Variants in NAALADL2 observed in about 807,000 individuals in gnomAD.
The protein encoded by NAALADL2 is N-acetylated alpha-linked acidic dipeptidase like 2, also known as inactive N-acetylated-alpha-linked acidic dipeptidase-like protein 2.
In NAALADL2, 76 loss-of-function variants were observed where a neutral mutation model predicts 87.2. The observed-to-expected ratio is 0.87, with a 90% CI of 0.72 to 1.05. The LOEUF is 1.05. Ranked by LOEUF, NAALADL2 falls within the 50% of genes least tolerant of loss-of-function variation. The pLI is 0.00. For synonymous variants in NAALADL2, 354 were observed against 331.0 expected (o/e 1.07, Z -0.75); for missense variants, 1,089 against 945.8 (o/e 1.15, Z -1.99).
intron 5 of NAALADL2, among the ~76,000 whole-genome samples, chr3:175,329,425 C>T (rs903295764): frequency 2.0e-5 from 3 of 152,122 alleles, no homozygotes; most frequent in African/African-American, 7.2e-5. Flanking sequence ...TAAAGAATAT[C>T]ACTGTAATTT....
chr3:174,916,968 T>G (rs1734501479), intron 1 of NAALADL2, among the ~76,000 whole-genome samples: 1 of 152,160 alleles, frequency 6.6e-6, no homozygotes, highest in Non-Finnish European at 1.5e-5. Flanking sequence ...TTTCATACAT[T>G]ATGTTTTTAG....
intron 12 of NAALADL2, among the ~76,000 whole-genome samples, chr3:175,746,159 T>A (rs965996378): frequency 2.0e-5 from 3 of 151,074 alleles, no homozygotes; most frequent in African/African-American, 7.4e-5. Flanking sequence ...TTGGTCTGAC[T>A]TTTTTCTTTT....
intron 10 of NAALADL2, among the ~76,000 whole-genome samples, chr3:175,625,738 A>G (rs1030350654): frequency 2.6e-5 from 4 of 151,958 alleles, no homozygotes; most frequent in African/African-American, 9.7e-5. Flanking sequence ...TATTCATGGT[A>G]TGATCTTGGG....
At chr3:175,164,486 G>T (rs551597476) in intron 2 of NAALADL2, among the ~76,000 whole-genome samples, 2 of 152,078 alleles carry the variant, frequency 1.3e-5, no homozygotes, top group East Asian at 3.9e-4. Context: ...CTTTTAAAAG[G>T]TAAAAGTATC....
intron 1 of NAALADL2, among the ~76,000 whole-genome samples, chr3:174,457,377 C>T (rs1334780514): frequency 6.6e-6 from 1 of 152,146 alleles, no homozygotes; most frequent in East Asian, 1.9e-4. Context: ...TAATATACAT[C>T]ATTCTATAAT....
intron 9 of NAALADL2, among the ~76,000 whole-genome samples, chr3:175,488,452 G>A (rs1358252214): frequency 6.6e-6 from 1 of 152,202 alleles, no homozygotes; most frequent in Non-Finnish European, 1.5e-5. Flanking sequence ...TAGGTGCTGG[G>A]ATGTGTGTGT....
chr3:175,691,192 G>C (rs1046420299), intron 11 of NAALADL2, among the ~76,000 whole-genome samples: 3 of 150,496 alleles, frequency 2.0e-5, no homozygotes, highest in Admixed American at 6.6e-5. Context: ...ATATATATGT[G>C]TATATGTATA....
chr3:175,085,542 T>A (rs2108273575), intron 1 of NAALADL2, among the ~76,000 whole-genome samples: 1 of 152,334 alleles, frequency 6.6e-6, no homozygotes, highest in Middle Eastern at 3.4e-3. Context: ...TGAGTAACTT[T>A]ATTTTTAAAC....
At chr3:175,683,522 A>T (rs1303027798) in intron 11 of NAALADL2, among the ~76,000 whole-genome samples, 1 of 151,944 alleles carries the variant, frequency 6.6e-6, no homozygotes, top group African/African-American at 2.4e-5. Context: ...GGTAAATGGT[A>T]ATAGGTATTA....
At chr3:175,485,139 A>G (rs1272912059) in intron 9 of NAALADL2, among the ~76,000 whole-genome samples, 4 of 152,164 alleles carry the variant, frequency 2.6e-5, no homozygotes, top group East Asian at 1.9e-4. Flanking sequence ...TCATCTTTCT[A>G]TAAAATAGGA....
rs141648010 is a variant in NAALADL2, at chr3:175,379,313, T to A, written c.1090+54988T>A. The stretch of plus-strand genomic sequence containing the variant: ...AGCACATAGGACAGCATCTGCTACA[T>A]ACAGTTAAAACTATTATTATTAATT... On this transcript the variant is annotated intron_variant, in intron 5 of 13. Coordinates refer to ENST00000454872, the MANE Select transcript of NAALADL2 (RefSeq NM_207015.3). Among the ~76,000 whole-genome samples, 47 of 152,142 alleles carry A rather than the reference T, an allele frequency of 3.1e-4. No individual in the cohort carries two copies. In the East Asian group the frequency reaches 8.3e-3, roughly 27 times the overall value.
At chr3:174,927,485 G>T (rs188783379) in intron 1 of NAALADL2, among the ~76,000 whole-genome samples, 2 of 152,258 alleles carry the variant, frequency 1.3e-5, no homozygotes, top group Admixed American at 1.3e-4. Context: ...AAATGTAAAA[G>T]TACAGAAATT....
chr3:175,306,128 T>C (rs935551826), intron 4 of NAALADL2, among the ~76,000 whole-genome samples: 1 of 152,074 alleles, frequency 6.6e-6, no homozygotes, highest in East Asian at 1.9e-4. Flanking sequence ...TTAAAATATT[T>C]ACCTCATGAT....
intron 2 of NAALADL2, among the ~76,000 whole-genome samples, chr3:174,610,378 A>C (rs1388991463): frequency 4.0e-5 from 6 of 151,236 alleles, no homozygotes; most frequent in African/African-American, 1.5e-4. Flanking sequence ...GTGAACAGGC[A>C]ACCTACAAAA....
intron 5 of NAALADL2, among the ~76,000 whole-genome samples, chr3:175,423,166 G>C (rs1389498373): frequency 2.1e-5 from 1 of 48,430 alleles, no homozygotes; most frequent in African/African-American, 8.1e-5. Flanking sequence ...TCTAAGAAAG[G>C]GAGGGGGGGG....
chr3:174,704,465 C>A (rs1729870229), intron 2 of NAALADL2, among the ~76,000 whole-genome samples: 1 of 152,016 alleles, frequency 6.6e-6, no homozygotes, highest in Non-Finnish European at 1.5e-5. Context: ...TAAATTAATA[C>A]TGAATTTAAT....
At chr3:175,720,662 G>A (rs1298709784) in intron 11 of NAALADL2, among the ~76,000 whole-genome samples, 1 of 151,970 alleles carries the variant, frequency 6.6e-6, no homozygotes, top group East Asian at 1.9e-4. Context: ...AAAAAAAATT[G>A]TGATGAAGTG....
chr3:175,470,257 G>A (rs7609562), intron 8 of NAALADL2, among the ~76,000 whole-genome samples: 1 of 152,018 alleles, frequency 6.6e-6, no homozygotes, highest in Non-Finnish European at 1.5e-5. Context: ...AGGGAACGGG[G>A]AGAAAATGGT....
intron 2 of NAALADL2, among the ~76,000 whole-genome samples, chr3:174,650,305 A>G (rs899896271): frequency 6.6e-6 from 1 of 152,146 alleles, no homozygotes; most frequent in African/African-American, 2.4e-5. Flanking sequence ...AAAATGCTCC[A>G]TGGAAAAGGT....
Sources: allele counts gnomAD v4.1 joint callset (sites outside exome capture counted in the v4.1 genomes callset), GRCh38; gene constraint gnomAD v4.1.1; transcripts MANE v1.5; gene names NCBI Gene and HGNC (gene_info 2026-07-23, HGNC 2026-07-21).